Variants in TBC1D19 observed in about 807,000 individuals in gnomAD.
TBC1D19 encodes the protein TBC1 domain family, member 19.
A neutral mutation model predicts 89.0 loss-of-function variants in TBC1D19; 60 were observed. That is an observed-to-expected ratio of 0.67 (90% CI 0.55 to 0.84). The LOEUF (loss-of-function observed/expected upper bound fraction) is 0.84, where lower values mean the gene tolerates loss of function less well. TBC1D19 is among the 40% of genes least tolerant of loss of function. TBC1D19 has a pLI of 0.00. For synonymous variants in TBC1D19, 189 were observed against 199.7 expected, an observed-to-expected ratio of 0.95 and a Z score of 0.45; for missense variants, 500 against 610.8, an observed-to-expected ratio of 0.82 and a Z score of 1.91.
chr4:26,642,828 CAAAG>C (rs142500964), intron 7 of TBC1D19, among the ~76,000 whole-genome samples: 67,803 of 150,778 alleles, frequency 0.45, 16,653 homozygotes, highest in Admixed American at 0.6. Flanking sequence ...TCAAAAGAGA[CAAAG>C]AAGGCCATTA....
intron 13 of TBC1D19, among the ~76,000 whole-genome samples, chr4:26,697,221 A>G (rs1222656238): frequency 1.3e-5 from 2 of 152,212 alleles, no homozygotes; most frequent in African/African-American, 4.8e-5. Flanking sequence ...AGAGAATACT[A>G]TAAACACCTC....
intron 7 of TBC1D19, among the ~76,000 whole-genome samples, chr4:26,654,704 C>T (rs779326985): frequency 1.7e-4 from 26 of 152,162 alleles, no homozygotes; most frequent in African/African-American, 2.7e-4. Flanking sequence ...ACGTAGTTCT[C>T]GTGCCTTGGT....
chr4:26,709,741 G>A (rs935661979), intron 13 of TBC1D19, among the ~76,000 whole-genome samples: 1 of 151,922 alleles, frequency 6.6e-6, no homozygotes, highest in Non-Finnish European at 1.5e-5. Context: ...AGACTCCAGA[G>A]TTCTAAAATA....
chr4:26,584,639 T>C (rs1374190248), intron 1 of TBC1D19, among the ~76,000 whole-genome samples: 1 of 152,198 alleles, frequency 6.6e-6, no homozygotes, highest in African/African-American at 2.4e-5. Context: ...TTTAAGCTGC[T>C]GGACTCACTG....
At chr4:26,670,959 T>C (rs571316288) in intron 9 of TBC1D19, among the ~76,000 whole-genome samples, 1 of 151,422 alleles carries the variant, frequency 6.6e-6, no homozygotes, top group Admixed American at 6.6e-5. Context: ...ATCCTGCTGA[T>C]GGTATTGATT....
At chr4:26,752,615 A>G (rs1719030333) in intron 19 of TBC1D19, among the ~76,000 whole-genome samples, 1 of 152,090 alleles carries the variant, frequency 6.6e-6, no homozygotes, top group Admixed American at 6.5e-5. Flanking sequence ...CACTACCATC[A>G]CTGGTGATGG....
chr4:26,854,297 C>T, the TBC1D19 span, among the ~76,000 whole-genome samples: 2 of 151,792 alleles, frequency 1.3e-5, no homozygotes, highest in African/African-American at 2.4e-5. Context: ...GCTGTGAGCT[C>T]CTTGGATTCT....
At chr4:26,761,147 C>T (rs1719445296), downstream of TBC1D19, among the ~76,000 whole-genome samples, 1 of 152,192 alleles carries the variant, frequency 6.6e-6, no homozygotes, top group African/African-American at 2.4e-5. Flanking sequence ...TGTAAGTCCT[C>T]TAACTTTATT....
intron 11 of TBC1D19, among the ~76,000 whole-genome samples, chr4:26,678,970 G>T (rs984445320): frequency 6.6e-6 from 1 of 152,146 alleles, no homozygotes; most frequent in Non-Finnish European, 1.5e-5. Flanking sequence ...GTATCTGGTG[G>T]AAGAAATTTC....
At chr4:26,677,769 T>A (rs566981281) in intron 11 of TBC1D19, among the ~76,000 whole-genome samples, 2 of 152,110 alleles carry the variant, frequency 1.3e-5, no homozygotes, top group Non-Finnish European at 2.9e-5. Flanking sequence ...ATCTGATGGT[T>A]TGGTTTTATA....
Position 26,755,745 on chromosome 4 carries a change from C to T in TBC1D19, c.*798C>T, listed in dbSNP as rs1207905433. On this transcript the variant is annotated 3_prime_UTR_variant, in exon 21 of 21. Transcript: ENST00000264866. ...CACCCAAGAGAATGAGGAGTCAAAA[C>T]CCCATTCACTTTTGCTGAAGCTTGG... 2.6e-5 allele frequency among the ~76,000 whole-genome samples: 4 copies of T among 152,134 alleles called. No homozygotes were observed. Among genetic ancestry groups the T allele is most frequent in the Non-Finnish European group, 2.9e-5 (2 of 68,016 alleles).
At chr4:26,619,196 A>G (rs922972379) in intron 3 of TBC1D19, among the ~76,000 whole-genome samples, 2 of 150,486 alleles carry the variant, frequency 1.3e-5, no homozygotes, top group African/African-American at 4.9e-5. Context: ...TCAAATTTTA[A>G]TCCTAAATTT....
chr4:26,585,842 C>T (rs947282115), intron 1 of TBC1D19, among the ~76,000 whole-genome samples: 1 of 151,966 alleles, frequency 6.6e-6, no homozygotes, highest in Admixed American at 6.6e-5. Context: ...GCCTCAGGCT[C>T]CCAAAGTGCT....
the TBC1D19 span, among the ~76,000 whole-genome samples, chr4:26,835,083 C>T: frequency 6.6e-6 from 1 of 152,186 alleles, no homozygotes; most frequent in African/African-American, 2.4e-5. Flanking sequence ...AAGGGACTTA[C>T]TTGGCAAATG....
At chr4:26,646,436 A>G (rs1468164494) in intron 7 of TBC1D19, among the ~76,000 whole-genome samples, 7 of 152,148 alleles carry the variant, frequency 4.6e-5, no homozygotes, top group Non-Finnish European at 1.0e-4. Flanking sequence ...TAGAAATACC[A>G]TTTGCCTCAG....
chr4:26,715,550 A>T (rs1716538413), intron 13 of TBC1D19, among the ~76,000 whole-genome samples: 1 of 152,076 alleles, frequency 6.6e-6, no homozygotes, highest in African/African-American at 2.4e-5. Context: ...GCATAAGGAC[A>T]ATTCTAGCTG....
intron 1 of TBC1D19, among the ~76,000 whole-genome samples, chr4:26,593,871 A>G (rs1310102379): frequency 6.6e-6 from 1 of 152,214 alleles, no homozygotes; most frequent in Non-Finnish European, 1.5e-5. Context: ...GAGAAATAGG[A>G]ACACTTTTAC....
intron 13 of TBC1D19, among the ~76,000 whole-genome samples, chr4:26,707,986 G>A (rs147893691): frequency 3.9e-4 from 59 of 152,134 alleles, no homozygotes; most frequent in African/African-American, 1.3e-3. Flanking sequence ...CTTTTCAAAT[G>A]TACGAGTTTC....
upstream of TBC1D19, among the ~76,000 whole-genome samples, chr4:26,580,176 TGGAGGA>T (rs1739039374): frequency 6.6e-6 from 1 of 151,948 alleles, no homozygotes; most frequent in Non-Finnish European, 1.5e-5. Flanking sequence ...GACGGGAAAG[TGGAGGA>T]GGAGAGCATA....
Sources: gnomAD v4.1 joint callset for allele counts (sites outside exome capture counted in the v4.1 genomes callset) on GRCh38, gnomAD v4.1.1 for gene constraint, MANE v1.5 for transcripts, NCBI Gene and HGNC (gene_info 2026-07-23, HGNC 2026-07-21) for gene names.